Variants in PPP3CA observed in about 807,000 individuals in gnomAD.
PPP3CA encodes CAM-PRP catalytic subunit.
In PPP3CA, 14 loss-of-function variants were observed where a neutral mutation model predicts 66.5. That is an observed-to-expected ratio of 0.21 (90% CI 0.14 to 0.33). The LOEUF (loss-of-function observed/expected upper bound fraction) is 0.33, where lower values mean the gene tolerates loss of function less well. PPP3CA is among the 10% of genes least tolerant of loss of function. PPP3CA has a pLI of 1.00. For missense variants in PPP3CA, 317 were observed against 639.5 expected (o/e 0.50, Z 5.44); for synonymous variants, 232 against 226.2 (o/e 1.03, Z -0.23).
At chr4:101,027,275 A>AG (rs1156708948) in intron 13 of PPP3CA, among the ~76,000 whole-genome samples, 1 of 150,394 alleles carries the variant, frequency 6.6e-6, no homozygotes, top group East Asian at 1.9e-4. Flanking sequence ...AAAAAAAAAA[A>AG]GGAAAGCAGT....
intron 1 of PPP3CA, among the ~76,000 whole-genome samples, chr4:101,210,526 G>A (rs1725269193): frequency 6.6e-6 from 1 of 152,040 alleles, no homozygotes; most frequent in Non-Finnish European, 1.5e-5. Context: ...GCCCATTACT[G>A]GCACAACACA....
chr4:101,324,035 C>A (rs186866593), intron 1 of PPP3CA, among the ~76,000 whole-genome samples: 292 of 152,022 alleles, frequency 1.9e-3, no homozygotes, highest in African/African-American at 6.8e-3. Context: ...ATCACTTGAA[C>A]CTGGGAGGCA....
intron 11 of PPP3CA, among the ~76,000 whole-genome samples, chr4:101,038,670 T>C (rs1727369909): frequency 6.6e-6 from 1 of 152,084 alleles, no homozygotes; most frequent in South Asian, 2.1e-4. Flanking sequence ...GCCCGGCCAC[T>C]TTATTTTCTT....
chr4:101,218,763 T>G (rs1725531122), intron 1 of PPP3CA, among the ~76,000 whole-genome samples: 1 of 151,988 alleles, frequency 6.6e-6, no homozygotes, highest in Admixed American at 6.6e-5. Context: ...AAAAAAAGAA[T>G]AGAGACCTAA....
intron 1 of PPP3CA, among the ~76,000 whole-genome samples, chr4:101,295,291 G>A (rs976257029): frequency 7.8e-6 from 1 of 128,384 alleles, no homozygotes; most frequent in Non-Finnish European, 1.6e-5. Context: ...CTGGGTGACA[G>A]AGCGAGACTC....
intron 6 of PPP3CA, among the ~76,000 whole-genome samples, chr4:101,085,855 C>CAG (rs1368323497): frequency 3.4e-4 from 35 of 102,028 alleles, no homozygotes; most frequent in African/African-American, 6.0e-4. Flanking sequence ...CACACACACA[C>CAG]ACAGAGAGAG....
At chr4:101,126,914 ATC>A (rs1188082728) in intron 2 of PPP3CA, among the ~76,000 whole-genome samples, 1 of 152,176 alleles carries the variant, frequency 6.6e-6, no homozygotes, top group Non-Finnish European at 1.5e-5. Context: ...GATGCCATTT[ATC>A]CCATGTTTAA....
intron 11 of PPP3CA, among the ~76,000 whole-genome samples, chr4:101,034,588 A>G (rs1213874015): frequency 6.6e-6 from 1 of 151,730 alleles, no homozygotes; most frequent in Non-Finnish European, 1.5e-5. Flanking sequence ...AGACTAGAAC[A>G]GTACCTGGTA....
intron 1 of PPP3CA, among the ~76,000 whole-genome samples, chr4:101,317,805 C>T (rs1195308383): frequency 1.3e-5 from 2 of 152,132 alleles, no homozygotes; most frequent in African/African-American, 4.8e-5. Flanking sequence ...GCTCTGAAAC[C>T]GATGGTCACT....
rs1036897726 is a variant in PPP3CA at position 101,343,695 on chromosome 4, A to G, written c.58+3044T>C. Among the ~76,000 whole-genome samples, 47 of 152,110 alleles carry G rather than the reference A, an allele frequency of 3.1e-4. 1 individual carries two copies. The highest frequency in any genetic ancestry group is 1.1e-3 in the African/African-American group (45 of 41,426). On this transcript the variant is annotated intron_variant, in intron 1 of 13. Coordinates refer to ENST00000394854, the MANE Select transcript of PPP3CA (RefSeq NM_000944.5). ...GGGATAATCTAAACAAATACTTTTC[A>G]TCTCCACTGCCATCATTCTCTTTCA...
chr4:101,277,809 G>A lies in PPP3CA; in HGVS notation c.58+68930C>T, dbSNP rs1458999385. Among the ~76,000 whole-genome samples the A allele has an allele frequency of 2.7e-4, 41 of 152,124 alleles. 1 individual carries two copies. The highest frequency in any genetic ancestry group is 2.7e-3 in the Admixed American group (41 of 15,274). On this transcript the variant is annotated intron_variant, in intron 1 of 13. Coordinates refer to ENST00000394854, the MANE Select transcript of PPP3CA (RefSeq NM_000944.5). ...TGGCTGCAAACAGGGTTTTCTACTT[G>A]TCAGTGGTCTAAGAGTGTTCAGGAT...
At chr4:101,329,149 A>G (rs1560720335) in intron 1 of PPP3CA, among the ~76,000 whole-genome samples, 1 of 152,176 alleles carries the variant, frequency 6.6e-6, no homozygotes, top group Non-Finnish European at 1.5e-5. Flanking sequence ...AATGCAAAGG[A>G]AAAGTTCTTC....
intron 2 of PPP3CA, among the ~76,000 whole-genome samples, chr4:101,184,010 T>A (rs536571754): frequency 1.3e-5 from 2 of 152,146 alleles, no homozygotes; most frequent in East Asian, 3.9e-4. Context: ...CTCACAATTA[T>A]GGGAAGACAA....
chr4:101,328,229 T>C (rs182314767), intron 1 of PPP3CA, among the ~76,000 whole-genome samples: 14 of 152,294 alleles, frequency 9.2e-5, no homozygotes, highest in African/African-American at 1.4e-4. Context: ...CAAGGTTCAG[T>C]TGGATTCAAA....
At chr4:101,295,839 G>A (rs1728184662) in intron 1 of PPP3CA, among the ~76,000 whole-genome samples, 1 of 152,160 alleles carries the variant, frequency 6.6e-6, no homozygotes, top group Admixed American at 6.5e-5. Context: ...AGTGTAAAAA[G>A]TTTAAAAAGA....
chr4:101,196,231 G>A (rs1489628828), intron 1 of PPP3CA, 115 bp from the exon 2 acceptor site: 17 of 937,966 alleles, frequency 1.8e-5, no homozygotes, highest in African/African-American at 3.4e-5. Context: ...TATTTTTAGA[G>A]TGGCTGAATT....
chr4:101,101,634 G>GT (rs537167333), intron 3 of PPP3CA, among the ~76,000 whole-genome samples: 203 of 149,574 alleles, frequency 1.4e-3, no homozygotes, highest in South Asian at 1.1e-3. Context: ...CTTTTTTAAA[G>GT]TTTTTTTTTT....
chr4:101,235,821 A>C (rs1726110389), intron 1 of PPP3CA, among the ~76,000 whole-genome samples: 2 of 151,926 alleles, frequency 1.3e-5, no homozygotes, highest in African/African-American at 4.8e-5. Context: ...ATATTAACTC[A>C]TAACAGATAA....
chr4:101,075,319 G>A (rs1729137648), intron 8 of PPP3CA, among the ~76,000 whole-genome samples: 1 of 152,084 alleles, frequency 6.6e-6, no homozygotes, highest in Admixed American at 6.5e-5. Flanking sequence ...GTTTGGTCTT[G>A]ATTACTAAAT....
Sources: gnomAD v4.1 joint callset for allele counts (sites outside exome capture counted in the v4.1 genomes callset) on GRCh38, gnomAD v4.1.1 for gene constraint, MANE v1.5 for transcripts, NCBI Gene and HGNC (gene_info 2026-07-23, HGNC 2026-07-21) for gene names.